Variants in RYR2 observed in about 807,000 individuals in gnomAD.
RYR2 encodes the protein cardiac muscle ryanodine receptor-calcium release channel.
RYR2 carries 227 observed loss-of-function variants against 601.1 expected under a neutral mutation model. That is an observed-to-expected ratio of 0.38 (90% CI 0.34 to 0.42). RYR2 has a LOEUF of 0.42. Among genes scored for constraint, RYR2 ranks in the 10% least tolerant of loss-of-function variants. The pLI, the probability that RYR2 is intolerant of heterozygous loss-of-function variation, is 1.00. For synonymous variants in RYR2, 2,223 were observed against 2,175.1 expected (o/e 1.02, Z -0.61); for missense variants, 4,646 against 6,156.5 (o/e 0.75, Z 8.21).
rs544206234 is a variant in RYR2, at chr1:237,504,603, T to C, written c.2613+1098T>C. On this transcript the variant is annotated intron_variant, in intron 22 of 104. Transcript: ENST00000366574. ...GGGCTCAGAGGCCTGACAATACTTT[T>C]AAAAATAGGCAATAATAGCAACAGG... Among the ~76,000 whole-genome samples, 12 of 152,314 alleles carry C rather than the reference T, an allele frequency of 7.9e-5. No homozygotes were observed. The East Asian group carries it at 1.9e-3, about 24-fold the overall frequency.
At chr1:237,423,295 T>C in intron 12 of RYR2, 47 bp downstream of exon 12, 1 of 1,577,664 alleles carries the variant, frequency 6.3e-7, no homozygotes, top group South Asian at 1.2e-5. Context: ...TACCCGGTCA[T>C]ATTTCCTTTG....
chr1:237,614,150 T>C lies in RYR2; in HGVS notation c.5022T>C (p.His1674=), dbSNP rs773854562. 6.2e-7 allele frequency: 1 copy of C among 1,614,050 alleles called. No individual in the cohort carries two copies. The highest frequency in any genetic ancestry group is 8.5e-7 in the Non-Finnish European group (1 of 1,179,896). Residue 1674 remains histidine (H), a synonymous_variant, in exon 37 of 105, where the codon CAT becomes CAC. Transcript: ENST00000366574. The surrounding 1 kb of genome is among the most constrained non-coding windows in gnomAD (Gnocchi z 4.3). ...VCALGNHRVA[H]ALCSHVDEPQ... ...CTCTTGGGAACCACCGGGTGGCCCA[T>C]GCCCTGTGCAGCCATGTGGATGAAC...
chr1:237,495,050 A>C (rs762044978), intron 19 of RYR2, among the ~76,000 whole-genome samples: 3 of 152,036 alleles, frequency 2.0e-5, no homozygotes, highest in Non-Finnish European at 4.4e-5. Flanking sequence ...TAGCCTCCCA[A>C]AGTGCTGGGA....
chr1:237,087,884 C>T (rs965665981), intron 1 of RYR2, among the ~76,000 whole-genome samples: 14 of 152,152 alleles, frequency 9.2e-5, no homozygotes, highest in Non-Finnish European at 1.9e-4. Context: ...ATAGAGAAAA[C>T]ATCTTAGATC....
At chr1:237,275,598 A>C (rs1264599990) in intron 2 of RYR2, among the ~76,000 whole-genome samples, 1 of 152,170 alleles carries the variant, frequency 6.6e-6, no homozygotes, top group Non-Finnish European at 1.5e-5. Context: ...CAGAAGTTGC[A>C]AAGAGAAACG....
At chr1:237,308,476 C>T (rs772330940) in intron 2 of RYR2, among the ~76,000 whole-genome samples, 1 of 152,190 alleles carries the variant, frequency 6.6e-6, no homozygotes, top group Non-Finnish European at 1.5e-5. Context: ...TCCCTTGGAT[C>T]TGGATTTGTG....
intron 10 of RYR2, among the ~76,000 whole-genome samples, chr1:237,400,736 A>T (rs1703278086): frequency 6.6e-6 from 1 of 152,156 alleles, no homozygotes; most frequent in African/African-American, 2.4e-5. Context: ...AAAGGTAGAC[A>T]CTCTCCTTTC....
At chr1:237,338,848 T>C (rs576867498) in intron 3 of RYR2, among the ~76,000 whole-genome samples, 2 of 152,326 alleles carry the variant, frequency 1.3e-5, no homozygotes, top group Admixed American at 6.5e-5. Flanking sequence ...AATGATTTCT[T>C]TCCATTAAAG....
At chr1:237,391,165 C>A (rs1161110855) in intron 10 of RYR2, among the ~76,000 whole-genome samples, 1 of 152,014 alleles carries the variant, frequency 6.6e-6, no homozygotes, top group Non-Finnish European at 1.5e-5. Flanking sequence ...TTTCAACCTC[C>A]CTCTGTTATT....
chr1:237,612,441 A>T (rs1415072652), intron 36 of RYR2, among the ~76,000 whole-genome samples: 1 of 152,200 alleles, frequency 6.6e-6, no homozygotes, highest in Non-Finnish European at 1.5e-5. Context: ...TTACAGTTCA[A>T]CAAAGATATT....
Position 237,085,654 on chromosome 1 carries a change from A to T in RYR2, c.48+43085A>T, listed in dbSNP as rs188612417. On this transcript the variant is annotated intron_variant, in intron 1 of 104. Transcript: ENST00000366574. ...AAGAGCATTTGAGGTGAACTGCCCC[A>T]TTACTTGATCTCAGTTGGAGGGGCC... 2.8e-4 allele frequency among the ~76,000 whole-genome samples: 43 copies of T among 152,298 alleles called. 1 individual carries two copies. Among genetic ancestry groups the T allele is most frequent in the Admixed American group, 2.7e-3 (42 of 15,294 alleles).
intron 1 of RYR2, among the ~76,000 whole-genome samples, chr1:237,129,542 C>T (rs1382132885): frequency 6.6e-6 from 1 of 151,964 alleles, no homozygotes; most frequent in Non-Finnish European, 1.5e-5. Context: ...GAAGAGTCTG[C>T]AGGAATGCAG....
intron 10 of RYR2, among the ~76,000 whole-genome samples, chr1:237,416,783 G>GAGAA (rs1238160939): frequency 6.6e-6 from 1 of 151,432 alleles, no homozygotes; most frequent in Non-Finnish European, 1.5e-5. Context: ...GAGAGAGAGA[G>GAGAA]AATGAATGAG....
At chr1:237,801,949 C>A (rs1388490630) in intron 98 of RYR2, 33 bp downstream of exon 98, 5 of 1,356,924 alleles carry the variant, frequency 3.7e-6, no homozygotes, top group Non-Finnish European at 5.3e-6. Flanking sequence ...AAAGAAAATG[C>A]ACTCTGATTA....
rs1465847891 is a variant in RYR2 at position 237,591,735 on chromosome 1, T to G, written c.4161-4T>G. ...CTTATTGTTAGTCCTCTGAAATATT[T>G]CAGATTTTTGCTTAGAAGAACAAAG... is the stretch of plus-strand genomic sequence containing the variant. On this transcript the variant is annotated splice_region_variant and splice_polypyrimidine_tract_variant and intron_variant, in intron 31 of 104. Coordinates refer to ENST00000366574, the MANE Select transcript of RYR2 (RefSeq NM_001035.3). The G allele has an allele frequency of 6.2e-7, 1 of 1,607,928 alleles. No homozygotes were observed. The highest frequency in any genetic ancestry group is 1.1e-5 in the South Asian group (1 of 90,404).
intron 2 of RYR2, among the ~76,000 whole-genome samples, chr1:237,304,130 G>A (rs1693643459): frequency 6.6e-6 from 1 of 152,134 alleles, no homozygotes; most frequent in South Asian, 2.1e-4. Context: ...TTTATAAGCA[G>A]TAGGTACAAG....
intron 13 of RYR2, among the ~76,000 whole-genome samples, chr1:237,444,566 A>C (rs1431832704): frequency 6.6e-6 from 1 of 152,172 alleles, no homozygotes; most frequent in Non-Finnish European, 1.5e-5. Context: ...GGTTCTACTT[A>C]TATATAGTAC....
At chr1:237,170,587 CTT>C (rs1677248709) in intron 1 of RYR2, among the ~76,000 whole-genome samples, 2 of 152,128 alleles carry the variant, frequency 1.3e-5, no homozygotes, top group South Asian at 4.1e-4. Context: ...CATCACAAGT[CTT>C]TGTTTTGTTT....
intron 3 of RYR2, among the ~76,000 whole-genome samples, chr1:237,340,030 G>A (rs1388653056): frequency 1.3e-5 from 2 of 152,194 alleles, no homozygotes; most frequent in Non-Finnish European, 2.9e-5. Context: ...AGAAGGAAGA[G>A]AACTGCATGT....
Sources: gnomAD v4.1 joint callset for allele counts (sites outside exome capture counted in the v4.1 genomes callset) on GRCh38, gnomAD v4.1.1 for gene constraint, Gnocchi (gnomAD v3.1) non-coding constraint, MANE v1.5 for transcripts, NCBI Gene and HGNC (gene_info 2026-07-23, HGNC 2026-07-21) for gene names.